The following GRID2 variants were observed in gnomAD, a reference collection of about 807,000 sequenced individuals.
GRID2 encodes the protein glutamate receptor ionotropic, delta-2.
In GRID2, 33 loss-of-function variants were observed where a neutral mutation model predicts 114.8. That is an observed-to-expected ratio of 0.29 (90% CI 0.22 to 0.38). GRID2 has a LOEUF of 0.38. Among genes scored for constraint, GRID2 ranks in the 10% least tolerant of loss-of-function variants. GRID2 has a pLI of 1.00. For synonymous variants in GRID2, 505 were observed against 449.9 expected, an observed-to-expected ratio of 1.12 and a Z score of -1.55; for missense variants, 1,184 against 1,257.7, an observed-to-expected ratio of 0.94 and a Z score of 0.89.
intron 1 of GRID2, among the ~76,000 whole-genome samples, chr4:92,459,692 G>T (rs1721384718): frequency 6.6e-6 from 1 of 151,796 alleles, no homozygotes; most frequent in Admixed American, 6.6e-5. Flanking sequence ...ACTTGTGATG[G>T]CTAATTTCAT....
At chr4:92,575,569 ATAGACCC>A (rs1727847573) in intron 1 of GRID2, among the ~76,000 whole-genome samples, 1 of 152,128 alleles carries the variant, frequency 6.6e-6, no homozygotes. Flanking sequence ...GGGGTCAGCT[ATAGACCC>A]TAGTCACCTC....
chr4:93,726,554 G>T (rs564295959), intron 14 of GRID2, among the ~76,000 whole-genome samples: 2 of 152,130 alleles, frequency 1.3e-5, no homozygotes, highest in Non-Finnish European at 2.9e-5. Context: ...GGATAGCATT[G>T]AATCTATAAA....
intron 2 of GRID2, among the ~76,000 whole-genome samples, chr4:92,810,450 A>T (rs1740616136): frequency 6.6e-6 from 1 of 152,190 alleles, no homozygotes; most frequent in African/African-American, 2.4e-5. Flanking sequence ...TTTAACTAAA[A>T]ACTACTTGTA....
intron 12 of GRID2, among the ~76,000 whole-genome samples, chr4:93,500,119 T>TCCA (rs1727952415): frequency 6.6e-6 from 1 of 152,008 alleles, no homozygotes; most frequent in Non-Finnish European, 1.5e-5. Flanking sequence ...CTAAGTTATG[T>TCCA]GGTATGCAAG....
intron 2 of GRID2, among the ~76,000 whole-genome samples, chr4:93,069,947 TG>T (rs1188007557): frequency 5.3e-5 from 8 of 152,076 alleles, no homozygotes; most frequent in Non-Finnish European, 1.0e-4. Flanking sequence ...GGGGCTTACT[TG>T]GTTGTTGGTT....
rs547158031 is a variant in GRID2 at position 92,683,142 on chromosome 4, AC to A, written c.244+92858del. On this transcript the variant is annotated intron_variant, in intron 2 of 15. Transcript: ENST00000282020. ...GTGAAACCTTGCCTCTACTAAAAATACCAAAACTTAGCTGGGCGTGGTGGCG... is the reference window on the plus strand; with the variant it reads ...GTGAAACCTTGCCTCTACTAAAAATACAAAACTTAGCTGGGCGTGGTGGCG... Among the ~76,000 whole-genome samples the A allele has an allele frequency of 1.6e-3, 246 of 152,178 alleles. 1 individual carries two copies. Among genetic ancestry groups the A allele is most frequent in the African/African-American group, 5.8e-3 (240 of 41,546 alleles).
intron 8 of GRID2, 80 bp from the exon 9 acceptor site, chr4:93,395,527 T>G (rs933897411): frequency 1.4e-6 from 1 of 692,696 alleles, no homozygotes; most frequent in Admixed American, 2.0e-5. Flanking sequence ...AGCTATCACA[T>G]AGTTCTCCAT....
intron 2 of GRID2, among the ~76,000 whole-genome samples, chr4:92,620,388 A>G (rs1431307346): frequency 2.0e-5 from 3 of 151,776 alleles, no homozygotes; most frequent in African/African-American, 7.2e-5. Context: ...TATTATCAGA[A>G]GGGAAAAAAG....
At chr4:93,170,352 G>A (rs1433403748) in intron 4 of GRID2, among the ~76,000 whole-genome samples, 1 of 152,100 alleles carries the variant, frequency 6.6e-6, no homozygotes, top group African/African-American at 2.4e-5. Context: ...CCAAAGTGCT[G>A]GGATTACAGG....
At chr4:92,899,003 G>T (rs1747371612) in intron 2 of GRID2, among the ~76,000 whole-genome samples, 1 of 152,008 alleles carries the variant, frequency 6.6e-6, no homozygotes, top group Non-Finnish European at 1.5e-5. Context: ...AAATAAGTTT[G>T]TGTATATAAA....
intron 15 of GRID2, among the ~76,000 whole-genome samples, chr4:93,771,394 C>T (rs577655933): frequency 3.1e-4 from 47 of 152,288 alleles, no homozygotes; most frequent in Non-Finnish European, 5.6e-4. Flanking sequence ...CTATCACTCA[C>T]GTGCCCTGAC....
At chr4:93,061,509 A>C (rs1413186671) in intron 2 of GRID2, among the ~76,000 whole-genome samples, 1 of 152,094 alleles carries the variant, frequency 6.6e-6, no homozygotes, top group South Asian at 2.1e-4. Flanking sequence ...AGTGATGGGC[A>C]TTGCAACATA....
chr4:92,779,055 G>A (rs954322073), intron 2 of GRID2, among the ~76,000 whole-genome samples: 1 of 151,878 alleles, frequency 6.6e-6, no homozygotes, highest in African/African-American at 2.4e-5. Context: ...TGAAATGTAA[G>A]GCAATATCAA....
At chr4:93,011,054 T>C (rs1456557413) in intron 2 of GRID2, among the ~76,000 whole-genome samples, 1 of 151,972 alleles carries the variant, frequency 6.6e-6, no homozygotes, top group Non-Finnish European at 1.5e-5. Context: ...TATTTTTTGT[T>C]TCACTGATTA....
At chr4:93,165,666 TCA>T (rs1470775598) in intron 4 of GRID2, among the ~76,000 whole-genome samples, 1 of 152,140 alleles carries the variant, frequency 6.6e-6, no homozygotes, top group Non-Finnish European at 1.5e-5. Flanking sequence ...CCTCTTTCTC[TCA>T]GAGTATCTGC....
At chr4:93,109,263 C>A (rs1010679312) in intron 3 of GRID2, among the ~76,000 whole-genome samples, 4 of 152,054 alleles carry the variant, frequency 2.6e-5, no homozygotes, top group Admixed American at 6.6e-5. Context: ...TGGTAACATC[C>A]TGAGTTTACC....
chr4:92,397,603 A>C (rs1287387479), intron 1 of GRID2, among the ~76,000 whole-genome samples: 1 of 152,164 alleles, frequency 6.6e-6, no homozygotes, highest in African/African-American at 2.4e-5. Context: ...TTATAGCATA[A>C]AACAACTATG....
At chr4:92,849,283 T>G (rs1183077172) in intron 2 of GRID2, among the ~76,000 whole-genome samples, 1 of 151,986 alleles carries the variant, frequency 6.6e-6, no homozygotes. Flanking sequence ...CATTTTTCCT[T>G]AGTACTTGCC....
At position 92,635,534 on chromosome 4, in the gene GRID2, G is replaced by A. The variant is rs142696134; in HGVS notation, c.244+45248G>A. ...TTTGAAGTTTGGGGTTTTAATCTGC[G>A]TTGTTTGTATTTTAATTGAGCTATG... On this transcript the variant is annotated intron_variant, in intron 2 of 15. Transcript: ENST00000282020. Among the ~76,000 whole-genome samples, 423 of 151,736 alleles carry A rather than the reference G, an allele frequency of 2.8e-3. 1 individual carries two copies. Among genetic ancestry groups the A allele is most frequent in the Non-Finnish European group, 4.5e-3 (305 of 67,906 alleles).
Sources: gnomAD v4.1 joint callset for allele counts (sites outside exome capture counted in the v4.1 genomes callset) on GRCh38, gnomAD v4.1.1 for gene constraint, MANE v1.5 for transcripts, NCBI Gene and HGNC (gene_info 2026-07-23, HGNC 2026-07-21) for gene names.